HS3ST4: variants seen among roughly 807,000 people sequenced by gnomAD.
HS3ST4 encodes the protein heparan sulfate-glucosamine 3-sulfotransferase 4.
Under a neutral mutation model 29.2 loss-of-function variants are expected in HS3ST4, and 17 were observed. That is an observed-to-expected ratio of 0.58 (90% CI 0.40 to 0.87). HS3ST4 has a LOEUF of 0.87. Ranked by LOEUF, HS3ST4 falls within the 40% of genes least tolerant of loss-of-function variation. The pLI is 0.00. For missense variants in HS3ST4, 627 were observed against 634.5 expected (o/e 0.99, Z 0.13); for synonymous variants, 314 against 285.7 (o/e 1.10, Z -1.00).
At position 25,748,844 on chromosome 16, in the gene HS3ST4, T is replaced by C. The variant is rs1177373470; in HGVS notation, c.734+55693T>C. ...CTATTAGGAAATATTAAAGTTTTTATACTGGTTTAGAATAAAAACAGGATT... is the reference window on the plus strand; with the variant it reads ...CTATTAGGAAATATTAAAGTTTTTACACTGGTTTAGAATAAAAACAGGATT... On this transcript the variant is annotated intron_variant, in intron 1 of 1. Coordinates refer to ENST00000331351, the MANE Select transcript of HS3ST4 (RefSeq NM_006040.3). Among the ~76,000 whole-genome samples, 5 of 152,356 alleles carry C rather than the reference T, an allele frequency of 3.3e-5. No homozygotes were observed. In the South Asian group the frequency reaches 6.2e-4, roughly 19 times the overall value.
chr16:26,132,347 T>G (rs1899431167), intron 1 of HS3ST4, among the ~76,000 whole-genome samples: 1 of 152,178 alleles, frequency 6.6e-6, no homozygotes, highest in Non-Finnish European at 1.5e-5. Flanking sequence ...CATGGCTCAA[T>G]GAGATAGTCT....
intron 1 of HS3ST4, among the ~76,000 whole-genome samples, chr16:25,704,157 C>T (rs1966357207): frequency 6.6e-6 from 1 of 152,196 alleles, no homozygotes; most frequent in African/African-American, 2.4e-5. Flanking sequence ...TACGATACTC[C>T]AGGCTTCTGG....
chr16:25,992,009 A>G (rs1969118397), intron 1 of HS3ST4, among the ~76,000 whole-genome samples: 1 of 151,894 alleles, frequency 6.6e-6, no homozygotes, highest in Non-Finnish European at 1.5e-5. Flanking sequence ...CGACAGAGCG[A>G]GACTCCGTCT....
chr16:25,941,244 C>T (rs1968568849), intron 1 of HS3ST4, among the ~76,000 whole-genome samples: 2 of 152,150 alleles, frequency 1.3e-5, no homozygotes, highest in Admixed American at 1.3e-4. Flanking sequence ...CAGCTTACCA[C>T]AACCTTTGCC....
At chr16:26,001,021 G>A (rs1044667095) in intron 1 of HS3ST4, among the ~76,000 whole-genome samples, 6 of 152,136 alleles carry the variant, frequency 3.9e-5, no homozygotes, top group African/African-American at 1.4e-4. Flanking sequence ...GCAATGAAGT[G>A]CAATCTCTGA....
intron 1 of HS3ST4, among the ~76,000 whole-genome samples, chr16:25,990,478 C>T (rs111492742): frequency 1.4e-4 from 21 of 152,326 alleles, no homozygotes; most frequent in African/African-American, 4.8e-4. Context: ...CCAGATGTTT[C>T]GGCTCAGGGA....
At chr16:25,923,103 C>G (rs1338593191) in intron 1 of HS3ST4, among the ~76,000 whole-genome samples, 1 of 152,198 alleles carries the variant, frequency 6.6e-6, no homozygotes, top group African/African-American at 2.4e-5. Context: ...GTTTTTATTA[C>G]TCTTGCTTCT....
At chr16:26,000,945 C>T (rs2141733640) in intron 1 of HS3ST4, among the ~76,000 whole-genome samples, 1 of 151,944 alleles carries the variant, frequency 6.6e-6, no homozygotes, top group African/African-American at 2.4e-5. Flanking sequence ...TCAAAAATGT[C>T]AAAGTCATAA....
chr16:26,104,275 C>A (rs948396914), intron 1 of HS3ST4, among the ~76,000 whole-genome samples: 14 of 152,308 alleles, frequency 9.2e-5, no homozygotes, highest in African/African-American at 2.6e-4. Flanking sequence ...ATCCAGCCCC[C>A]ACTCCGTCAA....
chr16:26,136,430 C>CA lies in HS3ST4; in HGVS notation c.*182_*183insA. On this transcript the variant is annotated 3_prime_UTR_variant, in exon 2 of 2. Coordinates refer to ENST00000331351, the MANE Select transcript of HS3ST4 (RefSeq NM_006040.3). ...GCAAACAGGTGGATCCCATGGCATCCCCATGGAGGAACCAGGCCCATCTGG... is the reference window on the plus strand; with the variant it reads ...GCAAACAGGTGGATCCCATGGCATCCACCATGGAGGAACCAGGCCCATCTGG... The CA allele has an allele frequency of 1.6e-6, 1 of 625,710 alleles. No individual in the cohort carries two copies. The highest frequency in any genetic ancestry group is 2.8e-6 in the Non-Finnish European group (1 of 363,082). The allele number at this position is 625,710 out of a possible 1,614,324, so 38.8% of individuals were successfully genotyped here. A position where few individuals can be genotyped will look rare whatever the true frequency, so the allele number is the denominator to read the frequency against.
intron 1 of HS3ST4, among the ~76,000 whole-genome samples, chr16:25,822,187 A>T (rs1448474073): frequency 6.6e-6 from 1 of 152,116 alleles, no homozygotes; most frequent in Non-Finnish European, 1.5e-5. Flanking sequence ...AACAATGGAA[A>T]TTTATTTCTC....
chr16:26,031,206 A>G (rs1969527496), intron 1 of HS3ST4, among the ~76,000 whole-genome samples: 1 of 152,100 alleles, frequency 6.6e-6, no homozygotes, highest in Non-Finnish European at 1.5e-5. Context: ...AAGTGATTTT[A>G]GATAGCAAGA....
At chr16:25,742,595 A>G (rs1170162779) in intron 1 of HS3ST4, among the ~76,000 whole-genome samples, 1 of 152,222 alleles carries the variant, frequency 6.6e-6, no homozygotes, top group Admixed American at 6.5e-5. Context: ...GGGTGAATAG[A>G]TTCTGGGCAA....
intron 1 of HS3ST4, among the ~76,000 whole-genome samples, chr16:25,795,876 A>C (rs1399114024): frequency 1.3e-5 from 2 of 152,004 alleles, no homozygotes; most frequent in East Asian, 1.9e-4. Flanking sequence ...TATTTCCTAG[A>C]ACACTTCTCG....
At chr16:25,960,274 C>T (rs1968781850) in intron 1 of HS3ST4, among the ~76,000 whole-genome samples, 1 of 152,206 alleles carries the variant, frequency 6.6e-6, no homozygotes, top group Non-Finnish European at 1.5e-5. Context: ...GATGTGGGTA[C>T]CATGCTTGTA....
chr16:25,931,924 G>A (rs921867572), intron 1 of HS3ST4, among the ~76,000 whole-genome samples: 2 of 152,236 alleles, frequency 1.3e-5, no homozygotes, highest in East Asian at 1.9e-4. Flanking sequence ...GGCAGCTTGT[G>A]GGGGAAACAA....
rs566571506 is a variant in HS3ST4 at position 25,795,275 on chromosome 16, A to T, written c.734+102124A>T. Among the ~76,000 whole-genome samples the T allele has an allele frequency of 3.3e-5, 5 of 151,076 alleles. No homozygotes were observed. The South Asian group carries it at 8.3e-4, about 25-fold the overall frequency. ...CGTGAGCCACCGCACCTGGCCCCCCATCCCGCCTTTTCTTTTCTTTTCTCT... is the reference window on the plus strand; with the variant it reads ...CGTGAGCCACCGCACCTGGCCCCCCTTCCCGCCTTTTCTTTTCTTTTCTCT... On this transcript the variant is annotated intron_variant, in intron 1 of 1. Transcript: ENST00000331351.
intron 1 of HS3ST4, among the ~76,000 whole-genome samples, chr16:26,115,573 G>GA (rs1567315609): frequency 6.6e-6 from 1 of 152,010 alleles, no homozygotes; most frequent in Non-Finnish European, 1.5e-5. Flanking sequence ...TTTGGACCTG[G>GA]AAAAAGAAAT....
intron 1 of HS3ST4, among the ~76,000 whole-genome samples, chr16:26,103,086 T>G (rs1282547566): frequency 6.6e-6 from 1 of 152,106 alleles, no homozygotes; most frequent in Non-Finnish European, 1.5e-5. Context: ...CATGACCATA[T>G]CTGATTGCAA....
Sources: gnomAD v4.1 joint callset for allele counts (sites outside exome capture counted in the v4.1 genomes callset) on GRCh38, gnomAD v4.1.1 for gene constraint, MANE v1.5 for transcripts, NCBI Gene and HGNC (gene_info 2026-07-23, HGNC 2026-07-21) for gene names.